The following TIAM2 variants were observed in gnomAD, a reference collection of about 807,000 sequenced individuals.
The protein encoded by TIAM2 is rho guanine nucleotide exchange factor TIAM2.
In TIAM2, 80 loss-of-function variants were observed where a neutral mutation model predicts 152.9. The observed-to-expected ratio is 0.52, with a 90% CI of 0.44 to 0.63. The LOEUF is 0.63. Ranked by LOEUF, TIAM2 falls within the 30% of genes least tolerant of loss-of-function variation. The pLI, the probability that TIAM2 is intolerant of heterozygous loss-of-function variation, is 0.00. For missense variants in TIAM2, 1,965 were observed against 2,120.1 expected (o/e 0.93, Z 1.44); for synonymous variants, 804 against 838.0 (o/e 0.96, Z 0.70).
intron 14 of TIAM2, among the ~76,000 whole-genome samples, chr6:155,193,403 C>CAAAAAAAAAAAAAAAAAAAAAAA (rs35559546): frequency 6.6e-6 from 1 of 150,736 alleles, no homozygotes; most frequent in South Asian, 2.1e-4. Flanking sequence ...GACCTTGTCT[C>CAAAAAAAAAAAAAAAAAAAAAAA]AAAAAAAAAT....
chr6:155,153,624 T>TA (rs1780030696), intron 7 of TIAM2, among the ~76,000 whole-genome samples: 3 of 135,740 alleles, frequency 2.2e-5, no homozygotes, highest in African/African-American at 8.3e-5. Flanking sequence ...GTTTACGCTT[T>TA]TTTTTTTTTT....
rs150980477 is a variant in TIAM2 at position 154,998,548 on chromosome 6, G to C, written c.-209+3056G>C. Among the ~76,000 whole-genome samples, 1,108 of 152,222 alleles carry C rather than the reference G, an allele frequency of 7.3e-3. 9 individuals are homozygous for C. Among genetic ancestry groups the C allele is most frequent in the African/African-American group, 0.025 (1,020 of 41,540 alleles). On this transcript the variant is annotated intron_variant, in intron 1 of 26. Transcript: ENST00000682666. ...GTAGTTAAAAATTAACAATTTGTGG[G>C]GTGATCTGGTGGCATTTTTCAAGCT... is the stretch of plus-strand genomic sequence containing the variant.
intron 5 of TIAM2, among the ~76,000 whole-genome samples, chr6:155,138,189 A>T (rs1779599892): frequency 6.6e-6 from 1 of 152,200 alleles, no homozygotes; most frequent in African/African-American, 2.4e-5. Context: ...ATAGGTATTT[A>T]GCTTATTTAT....
Position 155,248,064 on chromosome 6 carries a change from C to G in TIAM2, c.3717C>G (p.Ser1239=), listed in dbSNP as rs1783435903. 6.2e-7 allele frequency: 1 copy of G among 1,614,246 alleles called. No homozygotes were observed. The highest frequency in any genetic ancestry group is 8.5e-7 in the Non-Finnish European group (1 of 1,180,038). The change falls in exon 20 of 27, where the codon TCC becomes TCG. Residue 1239 remains serine, a synonymous_variant. Transcript: ENST00000682666. ...GGAACCCCACCAAGCAGCATTCCTC[C>G]ACGCTGGAGTCCTACCTCATCAAGC... The part of the protein sequence containing the change: ...DARNPTKQHS[S]TLESYLIKPV...
chr6:155,146,478 C>T (rs1391240506), intron 6 of TIAM2, among the ~76,000 whole-genome samples: 1 of 152,148 alleles, frequency 6.6e-6, no homozygotes, highest in Non-Finnish European at 1.5e-5. Flanking sequence ...GTGGTTATTT[C>T]TAGACATCAA....
intron 17 of TIAM2, 106 bp from the exon 18 acceptor site, chr6:155,244,552 T>C: frequency 7.3e-7 from 1 of 1,378,922 alleles, no homozygotes; most frequent in Admixed American, 2.1e-5. Flanking sequence ...TCTGTCTGCT[T>C]TTCCGTGAAG....
chr6:155,245,587 C>T, intron 18 of TIAM2, 36 bp from the exon 19 acceptor site: 2 of 1,546,888 alleles, frequency 1.3e-6, no homozygotes, highest in Non-Finnish European at 1.8e-6. Flanking sequence ...ATTGATTAAA[C>T]CATGTCTGAT....
chr6:155,250,179 C>T (rs117572809), intron 21 of TIAM2, among the ~76,000 whole-genome samples: 27 of 152,040 alleles, frequency 1.8e-4, no homozygotes, highest in Admixed American at 3.3e-4. Flanking sequence ...CCTTATGTCA[C>T]GTTCACATTG....
At chr6:155,166,499 T>G (rs1486967864) in intron 9 of TIAM2, among the ~76,000 whole-genome samples, 1 of 152,056 alleles carries the variant, frequency 6.6e-6, no homozygotes. Context: ...AATTTGTGTA[T>G]TTTTAGTAGA....
At chr6:155,058,280 C>T (rs1777497423) in intron 1 of TIAM2, among the ~76,000 whole-genome samples, 1 of 152,102 alleles carries the variant, frequency 6.6e-6, no homozygotes, top group Non-Finnish European at 1.5e-5. Context: ...GTGTGAGTGT[C>T]AAGTGGCTCC....
intron 2 of TIAM2, among the ~76,000 whole-genome samples, chr6:155,105,977 A>ATTTT (rs1778676825): frequency 2.1e-5 from 3 of 143,412 alleles, no homozygotes; most frequent in African/African-American, 8.0e-5. Context: ...TCTTTTGGGT[A>ATTTT]TTTTTATTTA....
chr6:155,002,519 C>G (rs1190763186), intron 1 of TIAM2, among the ~76,000 whole-genome samples: 1 of 152,064 alleles, frequency 6.6e-6, no homozygotes, highest in Non-Finnish European at 1.5e-5. Context: ...TGCATTATTC[C>G]CTGTCTGGTT....
chr6:155,257,258 G>A lies in TIAM2; in HGVS notation c.*137G>A, dbSNP rs768306372. The stretch of plus-strand genomic sequence containing the variant: ...GCAGTATACATTTTCCCACAAAATG[G>A]TTGTAAAGATTTAAGTTATTTTAAT... On this transcript the variant is annotated 3_prime_UTR_variant, in exon 27 of 27. Coordinates refer to ENST00000682666, the MANE Select transcript of TIAM2 (RefSeq NM_012454.4). The A allele has an allele frequency of 3.2e-5, 31 of 975,718 alleles. No homozygotes were observed. The highest frequency in any genetic ancestry group is 3.3e-4 in the Middle Eastern group (1 of 3,054). 60.4% of individuals were successfully genotyped at this position (975,718 alleles called of 1,614,324 possible).
chr6:155,149,088 G>C (rs1301623559), intron 7 of TIAM2: 2 of 167,056 alleles, frequency 1.2e-5, no homozygotes, highest in Non-Finnish European at 2.9e-5. Context: ...GATCTGGGAG[G>C]GACAAGTTGC....
intron 9 of TIAM2, chr6:155,168,922 C>G: frequency 6.5e-7 from 1 of 1,530,924 alleles, no homozygotes; most frequent in Non-Finnish European, 8.7e-7. Flanking sequence ...GTGAGGTAAA[C>G]TTTGCTATAG....
At chr6:155,165,881 A>G (rs924738499) in intron 9 of TIAM2, among the ~76,000 whole-genome samples, 2 of 152,110 alleles carry the variant, frequency 1.3e-5, no homozygotes, top group Non-Finnish European at 2.9e-5. Context: ...AAGTTGCCGT[A>G]TCTATCCCGG....
intron 6 of TIAM2, among the ~76,000 whole-genome samples, chr6:155,145,991 T>TA (rs981214030): frequency 1.3e-5 from 2 of 152,256 alleles, no homozygotes; most frequent in Non-Finnish European, 2.9e-5. Context: ...GTAAGGAAGG[T>TA]AAAAAAACAA....
intron 1 of TIAM2, among the ~76,000 whole-genome samples, chr6:155,080,991 T>C (rs1431418618): frequency 1.3e-5 from 2 of 152,102 alleles, no homozygotes; most frequent in African/African-American, 4.8e-5. Flanking sequence ...TCAGCTAAGC[T>C]CATGCCTCTG....
At chr6:155,131,858 C>T (rs184784564) in intron 4 of TIAM2, among the ~76,000 whole-genome samples, 254 of 152,192 alleles carry the variant, frequency 1.7e-3, no homozygotes, top group African/African-American at 4.7e-3. Context: ...GGATTACAAG[C>T]GTGAGCCACC....
Sources: allele counts gnomAD v4.1 joint callset (sites outside exome capture counted in the v4.1 genomes callset), GRCh38; gene constraint gnomAD v4.1.1; transcripts MANE v1.5; gene names NCBI Gene and HGNC (gene_info 2026-07-23, HGNC 2026-07-21).